The following CSMD1 variants were observed in gnomAD, a reference collection of about 807,000 sequenced individuals.
CSMD1 encodes the protein CUB and Sushi multiple domains 1, also known as CUB and sushi domain-containing protein 1.
Under a neutral mutation model 417.5 loss-of-function variants are expected in CSMD1, and 213 were observed. The observed-to-expected ratio is 0.51, with a 90% CI of 0.46 to 0.57. CSMD1 has a LOEUF of 0.57. Among genes scored for constraint, CSMD1 ranks in the 20% least tolerant of loss-of-function variants. CSMD1 has a pLI of 0.00. For missense variants in CSMD1, 6,923 were observed against 4,529.7 expected, an observed-to-expected ratio of 1.53 and a Z score of -15.17; for synonymous variants, 2,862 against 1,736.8, an observed-to-expected ratio of 1.65 and a Z score of -16.11.
At chr8:4,779,290 C>T (rs1320908613) in intron 1 of CSMD1, among the ~76,000 whole-genome samples, 4 of 152,018 alleles carry the variant, frequency 2.6e-5, no homozygotes, top group Non-Finnish European at 5.9e-5. Context: ...AGGGGTTTTA[C>T]CAAAATTTTC....
At chr8:3,541,153 G>C (rs1195519182) in intron 10 of CSMD1, among the ~76,000 whole-genome samples, 3 of 152,184 alleles carry the variant, frequency 2.0e-5, no homozygotes, top group African/African-American at 2.4e-5. Flanking sequence ...TGACAGACTG[G>C]ATAAAGAAAA....
chr8:4,468,752 T>C lies in CSMD1; in HGVS notation c.303-48687A>G, dbSNP rs184721454. Among the ~76,000 whole-genome samples the C allele has an allele frequency of 5.4e-4, 82 of 152,342 alleles. 1 individual carries two copies. The Middle Eastern group carries it at 0.02, about 38-fold the overall frequency. On this transcript the variant is annotated intron_variant, in intron 2 of 69. Transcript: ENST00000635120. ...GGAGAGCCTACTCTGGGCTTGCTTCTATGTCTGAATCAGCTTAGCATGTCC... is the reference window on the plus strand; with the variant it reads ...GGAGAGCCTACTCTGGGCTTGCTTCCATGTCTGAATCAGCTTAGCATGTCC...
At chr8:2,978,204 T>A (rs757641507) in intron 55 of CSMD1, among the ~76,000 whole-genome samples, 2 of 152,048 alleles carry the variant, frequency 1.3e-5, no homozygotes, top group African/African-American at 2.4e-5. Context: ...AGACAGAAAC[T>A]CCACACCAGA....
intron 2 of CSMD1, among the ~76,000 whole-genome samples, chr8:4,458,563 G>T (rs553243914): frequency 2.0e-5 from 3 of 151,920 alleles, no homozygotes; most frequent in African/African-American, 7.3e-5. Flanking sequence ...GTTACTCTTT[G>T]AAAGACATTG....
At chr8:3,777,141 C>T (rs1434055759) in intron 5 of CSMD1, among the ~76,000 whole-genome samples, 1 of 151,606 alleles carries the variant, frequency 6.6e-6, no homozygotes, top group Non-Finnish European at 1.5e-5. Context: ...CACACACACA[C>T]ACACACACAC....
intron 34 of CSMD1, 66 bp downstream of exon 34, chr8:3,189,846 A>T: frequency 7.2e-7 from 1 of 1,395,438 alleles, no homozygotes; most frequent in African/African-American, 1.4e-5. Flanking sequence ...GGATAGAAAC[A>T]TGAGAAGTAA....
At chr8:4,209,359 G>C (rs562601247) in intron 3 of CSMD1, among the ~76,000 whole-genome samples, 1 of 152,100 alleles carries the variant, frequency 6.6e-6, no homozygotes, top group African/African-American at 2.4e-5. Context: ...AATTCCAAAG[G>C]ACACATAGAT....
At chr8:3,852,806 G>T (rs1185423852) in intron 5 of CSMD1, among the ~76,000 whole-genome samples, 1 of 152,032 alleles carries the variant, frequency 6.6e-6, no homozygotes, top group Non-Finnish European at 1.5e-5. Flanking sequence ...CCAAGCGCAC[G>T]CTTCAACAAT....
intron 3 of CSMD1, among the ~76,000 whole-genome samples, chr8:4,070,140 AT>A (rs200065298): frequency 5.9e-5 from 9 of 151,720 alleles, no homozygotes; most frequent in Non-Finnish European, 1.2e-4. Context: ...CACCAATTTT[AT>A]TTTTTTTAAA....
chr8:3,202,104 G>T (rs971254326), intron 31 of CSMD1, among the ~76,000 whole-genome samples: 1 of 152,094 alleles, frequency 6.6e-6, no homozygotes, highest in Admixed American at 6.5e-5. Context: ...GAAGGCGAAG[G>T]TTGCAATGAG....
At chr8:4,280,493 CA>C (rs1287445138) in intron 3 of CSMD1, among the ~76,000 whole-genome samples, 1 of 152,148 alleles carries the variant, frequency 6.6e-6, no homozygotes, top group Non-Finnish European at 1.5e-5. Flanking sequence ...CTCCACATTT[CA>C]CAGAAAAATT....
chr8:4,751,031 C>G (rs773917678), intron 1 of CSMD1, among the ~76,000 whole-genome samples: 1 of 152,148 alleles, frequency 6.6e-6, no homozygotes, highest in African/African-American at 2.4e-5. Flanking sequence ...CTAAGATTAT[C>G]AAATCTTTCA....
At chr8:3,447,947 C>T (rs1003332500) in intron 12 of CSMD1, among the ~76,000 whole-genome samples, 1 of 152,078 alleles carries the variant, frequency 6.6e-6, no homozygotes, top group African/African-American at 2.4e-5. Flanking sequence ...TACAGACACC[C>T]CACATGGGAC....
At chr8:4,702,055 C>G (rs1198103367) in intron 1 of CSMD1, among the ~76,000 whole-genome samples, 2 of 152,110 alleles carry the variant, frequency 1.3e-5, no homozygotes, top group African/African-American at 4.8e-5. Flanking sequence ...GGGAGCTGAA[C>G]AATGAGAACA....
chr8:3,624,417 T>C (rs976401532), intron 7 of CSMD1, among the ~76,000 whole-genome samples: 5 of 152,370 alleles, frequency 3.3e-5, no homozygotes, highest in African/African-American at 9.6e-5. Flanking sequence ...TTGGAATAAA[T>C]AAACCAATAT....
At chr8:4,964,694 A>G (rs1207763814) in intron 1 of CSMD1, among the ~76,000 whole-genome samples, 1 of 152,154 alleles carries the variant, frequency 6.6e-6, no homozygotes, top group Non-Finnish European at 1.5e-5. Flanking sequence ...TCCAGGTTCC[A>G]GAAACTCAGT....
At position 4,535,391 on chromosome 8, in the gene CSMD1, G is replaced by A. The variant is rs184589782; in HGVS notation, c.302+101951C>T. Among the ~76,000 whole-genome samples the A allele has an allele frequency of 6.6e-5, 10 of 152,072 alleles. No individual in the cohort carries two copies. The East Asian group carries it at 1.7e-3, about 27-fold the overall frequency. Reference sequence around the variant, plus strand: ...TAGAATAACAAGTTACTTTTGTAGCGTCTTCCAAGGATGAACAATAGAATT... The same window carrying A: ...TAGAATAACAAGTTACTTTTGTAGCATCTTCCAAGGATGAACAATAGAATT... On this transcript the variant is annotated intron_variant, in intron 2 of 69. Coordinates refer to ENST00000635120, the MANE Select transcript of CSMD1 (RefSeq NM_033225.6).
chr8:4,913,824 T>A (rs551774941), intron 1 of CSMD1, among the ~76,000 whole-genome samples: 1 of 152,342 alleles, frequency 6.6e-6, no homozygotes, highest in South Asian at 2.1e-4. Context: ...TGGGGCTTCA[T>A]AACCAGAAGA....
At chr8:4,047,834 GA>G (rs956386678) in intron 3 of CSMD1, among the ~76,000 whole-genome samples, 21 of 151,646 alleles carry the variant, frequency 1.4e-4, no homozygotes, top group Non-Finnish European at 2.2e-4. Context: ...AAGTGGCATT[GA>G]AAAAAAATAT....
Sources: gnomAD v4.1 joint callset for allele counts (sites outside exome capture counted in the v4.1 genomes callset) on GRCh38, gnomAD v4.1.1 for gene constraint, MANE v1.5 for transcripts, NCBI Gene and HGNC (gene_info 2026-07-23, HGNC 2026-07-21) for gene names.